The following SPICE1 variants were observed in gnomAD, a reference collection of about 807,000 sequenced individuals.
The protein encoded by SPICE1 is spindle and centriole associated protein 1, also known as spindle and centriole-associated protein 1.
A neutral mutation model predicts 102.7 loss-of-function variants in SPICE1; 75 were observed. That is an observed-to-expected ratio of 0.73 (90% confidence interval 0.61 to 0.88). The LOEUF is 0.88. Ranked by LOEUF, SPICE1 falls within the 40% of genes least tolerant of loss-of-function variation. The pLI is 0.00. For synonymous variants in SPICE1, 308 were observed against 350.3 expected, an observed-to-expected ratio of 0.88 and a Z score of 1.35; for missense variants, 979 against 1,020.1, an observed-to-expected ratio of 0.96 and a Z score of 0.55.
At chr3:113,480,693 AT>A (rs1936470308) in intron 7 of SPICE1, among the ~76,000 whole-genome samples, 1 of 152,046 alleles carries the variant, frequency 6.6e-6, no homozygotes, top group South Asian at 2.1e-4. Context: ...GAAAACAAGA[AT>A]TGATTGGCAT....
intron 7 of SPICE1, among the ~76,000 whole-genome samples, chr3:113,471,104 G>C (rs559965386): frequency 5.3e-5 from 8 of 152,156 alleles, no homozygotes; most frequent in African/African-American, 1.9e-4. Flanking sequence ...TATTGGGATG[G>C]ATCTTTGGGG....
intron 3 of SPICE1, 33 bp downstream of exon 3, chr3:113,503,147 A>C (rs528976181): frequency 6.3e-7 from 1 of 1,595,926 alleles, no homozygotes; most frequent in African/African-American, 1.4e-5. Context: ...TAAAACACTG[A>C]ATAAATGACT....
intron 12 of SPICE1, 41 bp downstream of exon 12, chr3:113,460,576 A>G: frequency 6.4e-7 from 1 of 1,564,312 alleles, no homozygotes; most frequent in South Asian, 1.2e-5. Context: ...AAGGCCATTA[A>G]GTAGTCTAAT....
intron 17 of SPICE1, 102 bp from the exon 18 acceptor site, chr3:113,445,462 C>A (rs1343172952): frequency 2.2e-6 from 2 of 916,844 alleles, no homozygotes; most frequent in Non-Finnish European, 1.8e-6. Context: ...ACAAAGTCAT[C>A]CTGTGCCATT....
chr3:113,504,325 AAC>A (rs1937065806), intron 2 of SPICE1, among the ~76,000 whole-genome samples: 2 of 149,384 alleles, frequency 1.3e-5, no homozygotes, highest in Non-Finnish European at 3.0e-5. Flanking sequence ...GAGGAATACG[AAC>A]AGTCAAAAAT....
intron 7 of SPICE1, among the ~76,000 whole-genome samples, chr3:113,487,206 C>A (rs543299285): frequency 3.4e-4 from 51 of 152,130 alleles, no homozygotes; most frequent in African/African-American, 1.2e-3. Flanking sequence ...AAACTATTTT[C>A]TATGTATTGC....
intron 4 of SPICE1, among the ~76,000 whole-genome samples, chr3:113,496,459 C>G (rs1464489436): frequency 6.6e-6 from 1 of 152,116 alleles, no homozygotes; most frequent in Non-Finnish European, 1.5e-5. Flanking sequence ...CATCTTAGCC[C>G]TTTTGTACCA....
intron 1 of SPICE1, among the ~76,000 whole-genome samples, chr3:113,509,738 C>T (rs760604391): frequency 1.6e-4 from 24 of 152,114 alleles, no homozygotes; most frequent in Non-Finnish European, 3.1e-4. Flanking sequence ...AATCTCATCT[C>T]GAATTGTAAT....
At chr3:113,451,322 T>G (rs373403529) in intron 14 of SPICE1, among the ~76,000 whole-genome samples, 1 of 151,450 alleles carries the variant, frequency 6.6e-6, no homozygotes, top group African/African-American at 2.4e-5. Context: ...ATTTGAAAAT[T>G]CCCCCCCCAA....
intron 1 of SPICE1, chr3:113,514,439 T>C: frequency 2.8e-6 from 1 of 355,274 alleles, no homozygotes; most frequent in South Asian, 2.1e-5. Flanking sequence ...GGCTCCCCAC[T>C]GTCAAAAGCA....
chr3:113,492,527 A>G (rs1203090941), intron 6 of SPICE1, among the ~76,000 whole-genome samples: 1 of 152,220 alleles, frequency 6.6e-6, no homozygotes, highest in African/African-American at 2.4e-5. Context: ...ACTGTAATAC[A>G]ATTCTCCCAT....
intron 7 of SPICE1, among the ~76,000 whole-genome samples, chr3:113,488,016 A>T (rs1936683010): frequency 6.6e-6 from 1 of 152,214 alleles, no homozygotes; most frequent in Non-Finnish European, 1.5e-5. Flanking sequence ...ATTTTAGAAG[A>T]TTCCAGGTTT....
chr3:113,509,265 CA>C (rs1937172749), intron 1 of SPICE1, among the ~76,000 whole-genome samples: 2 of 152,184 alleles, frequency 1.3e-5, no homozygotes, highest in African/African-American at 4.8e-5. Context: ...GATAGGAAAA[CA>C]ATAGTTATTC....
At chr3:113,486,453 A>G (rs1470699210) in intron 7 of SPICE1, among the ~76,000 whole-genome samples, 1 of 151,096 alleles carries the variant, frequency 6.6e-6, no homozygotes, top group Non-Finnish European at 1.5e-5. Context: ...ACTGGTAGCC[A>G]GACTAATAAA....
At chr3:113,508,135 A>T (rs1937148323) in intron 1 of SPICE1, among the ~76,000 whole-genome samples, 1 of 152,178 alleles carries the variant, frequency 6.6e-6, no homozygotes, top group Non-Finnish European at 1.5e-5. Context: ...AATTAAATTG[A>T]TTCATGGATT....
At chr3:113,473,123 G>C (rs1936247655) in intron 7 of SPICE1, among the ~76,000 whole-genome samples, 1 of 152,180 alleles carries the variant, frequency 6.6e-6, no homozygotes, top group African/African-American at 2.4e-5. Flanking sequence ...CAAGGCTCGA[G>C]AACTACATGA....
intron 7 of SPICE1, among the ~76,000 whole-genome samples, chr3:113,479,143 A>C (rs186552418): frequency 0.03 from 3,639 of 120,666 alleles, 88 homozygotes; most frequent in East Asian, 0.11. Context: ...ACCCCACAAC[A>C]GTCGCCAGTG....
intron 7 of SPICE1, among the ~76,000 whole-genome samples, chr3:113,471,119 C>A (rs1356751716): frequency 6.6e-6 from 1 of 151,768 alleles, no homozygotes; most frequent in Non-Finnish European, 1.5e-5. Context: ...TTGGGGCCCA[C>A]TGGAAGGACC....
intron 11 of SPICE1, among the ~76,000 whole-genome samples, chr3:113,464,328 C>T (rs1255853043): frequency 6.7e-6 from 1 of 150,198 alleles, no homozygotes; most frequent in Non-Finnish European, 1.5e-5. Flanking sequence ...AAAATCATAG[C>T]TCACTGCAGC....
Sources: gnomAD v4.1 joint callset for allele counts (sites outside exome capture counted in the v4.1 genomes callset) on GRCh38, gnomAD v4.1.1 for gene constraint, MANE v1.5 for transcripts, NCBI Gene and HGNC (gene_info 2026-07-23, HGNC 2026-07-21) for gene names.